Variants in PPP3CC observed in about 807,000 individuals in gnomAD.
PPP3CC encodes serine/threonine-protein phosphatase 2B catalytic subunit gamma isoform.
PPP3CC carries 35 observed loss-of-function variants against 60.3 expected under a neutral mutation model. That is an observed-to-expected ratio of 0.58 (90% CI 0.44 to 0.77). The LOEUF is 0.77. Among genes scored for constraint, PPP3CC ranks in the 30% least tolerant of loss-of-function variants. The pLI is 0.00. For synonymous variants in PPP3CC, 206 were observed against 224.3 expected, an observed-to-expected ratio of 0.92 and a Z score of 0.73; for missense variants, 570 against 628.9, an observed-to-expected ratio of 0.91 and a Z score of 1.00.
Position 22,533,006 on chromosome 8 carries a change from A to C in PPP3CC, c.1309A>C (p.Thr437Pro), listed in dbSNP as rs774654172. 6.9e-6 allele frequency: 11 copies of C among 1,602,594 alleles called. No homozygotes were observed. Among genetic ancestry groups the C allele is most frequent in the South Asian group, 1.1e-5 (1 of 89,904 alleles). ...GGGCGTCCTCTCAGGAGGCAAGCAG[A>C]CTATCGAGACAGGTGAGTATGAGAG... Reference protein sequence around the residue: ...PLGVLSGGKQTIETATVEAVE... With the variant: ...PLGVLSGGKQPIETATVEAVE... The change falls in exon 12 of 14, where the codon ACT (threonine) becomes CCT (proline). Residue 437 changes from threonine to proline, a missense_variant. Coordinates refer to ENST00000240139, the MANE Select transcript of PPP3CC (RefSeq NM_005605.5).
At chr8:22,527,651 T>TTC in intron 9 of PPP3CC, 134 bp downstream of exon 9, 4 of 1,034,616 alleles carry the variant, frequency 3.9e-6, no homozygotes, top group Non-Finnish European at 5.4e-6. Flanking sequence ...TTTTTTTTTT[T>TTC]CTGAGATGGA....
intron 6 of PPP3CC, among the ~76,000 whole-genome samples, chr8:22,515,204 A>G (rs575171878): frequency 6.6e-6 from 1 of 152,184 alleles, no homozygotes; most frequent in Non-Finnish European, 1.5e-5. Context: ...GCTCCTACAA[A>G]TAAGTGAGAA....
intron 12 of PPP3CC, among the ~76,000 whole-genome samples, chr8:22,534,565 C>A (rs1475272590): frequency 6.6e-6 from 1 of 152,190 alleles, no homozygotes; most frequent in Non-Finnish European, 1.5e-5. Flanking sequence ...TATGTCTACC[C>A]TGTAACCCAG....
At chr8:22,531,840 AC>A (rs1839724982) in intron 10 of PPP3CC, among the ~76,000 whole-genome samples, 1 of 152,192 alleles carries the variant, frequency 6.6e-6, no homozygotes, top group Non-Finnish European at 1.5e-5. Context: ...CGAACCCTGC[AC>A]CCTAAGGTGG....
At chr8:22,496,891 T>C (rs929841820) in intron 3 of PPP3CC, among the ~76,000 whole-genome samples, 2 of 152,188 alleles carry the variant, frequency 1.3e-5, no homozygotes, top group Non-Finnish European at 2.9e-5. Context: ...TATAGGGACA[T>C]TTAAATTTTT....
At chr8:22,484,314 T>C (rs984643476) in intron 3 of PPP3CC, among the ~76,000 whole-genome samples, 2 of 152,158 alleles carry the variant, frequency 1.3e-5, no homozygotes, top group Admixed American at 1.3e-4. Flanking sequence ...TGAGATTTTA[T>C]TATGTAGACA....
At chr8:22,462,311 G>T (rs191306324) in intron 1 of PPP3CC, among the ~76,000 whole-genome samples, 17 of 152,070 alleles carry the variant, frequency 1.1e-4, no homozygotes, top group Non-Finnish European at 2.2e-4. Flanking sequence ...GGTTTGGTTT[G>T]GTTCAGTTTA....
intron 4 of PPP3CC, among the ~76,000 whole-genome samples, chr8:22,502,863 G>C (rs1838801916): frequency 6.6e-6 from 1 of 152,106 alleles, no homozygotes; most frequent in Non-Finnish European, 1.5e-5. Flanking sequence ...AGGACTTAGA[G>C]GGTTTTTTTG....
At chr8:22,483,769 C>T (rs1838141229) in intron 3 of PPP3CC, among the ~76,000 whole-genome samples, 1 of 152,144 alleles carries the variant, frequency 6.6e-6, no homozygotes, top group Non-Finnish European at 1.5e-5. Flanking sequence ...AAATTTGCCA[C>T]ATAAGATTCT....
chr8:22,484,695 A>G (rs1219881740), intron 3 of PPP3CC, among the ~76,000 whole-genome samples: 1 of 152,236 alleles, frequency 6.6e-6, no homozygotes, highest in African/African-American at 2.4e-5. Flanking sequence ...CTTGAAGATA[A>G]AAGTGTTGCC....
chr8:22,459,613 C>T (rs1015579766), intron 1 of PPP3CC, among the ~76,000 whole-genome samples: 3 of 152,058 alleles, frequency 2.0e-5, no homozygotes, highest in South Asian at 4.1e-4. Context: ...ACTTTAGTGA[C>T]CTCTCAGAGA....
intron 1 of PPP3CC, among the ~76,000 whole-genome samples, chr8:22,444,834 G>T (rs1836776312): frequency 6.6e-6 from 1 of 152,164 alleles, no homozygotes; most frequent in Non-Finnish European, 1.5e-5. Context: ...TGATTAAATT[G>T]TGATATTCTG....
chr8:22,489,708 TATAAGTATATATTATATATTATATATATA>T (rs1554535128), intron 3 of PPP3CC, among the ~76,000 whole-genome samples: 1 of 137,082 alleles, frequency 7.3e-6, no homozygotes, highest in Non-Finnish European at 1.5e-5. Context: ...ATATATTATA[TATAAGTATATATTATATATTATATATATA>T]ATAAGTATAT....
At chr8:22,516,272 CA>C (rs1304553341) in intron 6 of PPP3CC, among the ~76,000 whole-genome samples, 2 of 152,160 alleles carry the variant, frequency 1.3e-5, no homozygotes. Flanking sequence ...CCAACTTTTC[CA>C]GTGACTAATG....
intron 1 of PPP3CC, among the ~76,000 whole-genome samples, chr8:22,457,034 T>TCCC (rs1837219275): frequency 4.1e-5 from 3 of 73,642 alleles, no homozygotes; most frequent in African/African-American, 1.1e-4. Context: ...CCTTCCTCCC[T>TCCC]TCCTCCCTCC....
chr8:22,509,038 G>T (rs191166409), intron 4 of PPP3CC, among the ~76,000 whole-genome samples: 1 of 152,230 alleles, frequency 6.6e-6, no homozygotes, highest in Admixed American at 6.5e-5. Context: ...AAACCCACAG[G>T]CTCCCTTAAT....
chr8:22,472,252 C>T (rs1292555527), intron 1 of PPP3CC, among the ~76,000 whole-genome samples: 4 of 150,994 alleles, frequency 2.6e-5, no homozygotes, highest in African/African-American at 9.9e-5. Flanking sequence ...GCTTAAAAGA[C>T]AAGTACATTG....
intron 10 of PPP3CC, chr8:22,531,299 A>G: frequency 1.3e-6 from 2 of 1,531,130 alleles, no homozygotes; most frequent in Non-Finnish European, 1.7e-6. Flanking sequence ...CTTCTCCCTG[A>G]AGATCACTAC....
chr8:22,517,085 G>C (rs1031118120), intron 6 of PPP3CC, among the ~76,000 whole-genome samples: 3 of 152,132 alleles, frequency 2.0e-5, no homozygotes, highest in African/African-American at 7.2e-5. Context: ...TGCTAATTCT[G>C]TTTTTGCAGC....
Sources: allele counts gnomAD v4.1 joint callset (sites outside exome capture counted in the v4.1 genomes callset), GRCh38; gene constraint gnomAD v4.1.1; transcripts MANE v1.5; gene names NCBI Gene and HGNC (gene_info 2026-07-23, HGNC 2026-07-21).